Variants in KCNQ1 observed in about 807,000 individuals in gnomAD.
The protein encoded by KCNQ1 is potassium voltage-gated channel subfamily KQT member 1.
In KCNQ1, 49 loss-of-function variants were observed where a neutral mutation model predicts 72.4. That is an observed-to-expected ratio of 0.68 (90% CI 0.54 to 0.86). The LOEUF is 0.86. Ranked by LOEUF, KCNQ1 falls within the 40% of genes least tolerant of loss-of-function variation. The probability of loss-of-function intolerance (pLI) is 0.00; values close to 1 mark genes in which losing one functional copy is unlikely to be tolerated. For missense variants in KCNQ1, 790 were observed against 945.1 expected (o/e 0.84, Z 2.15); for synonymous variants, 450 against 412.6 (o/e 1.09, Z -1.10).
chr11:2,623,455 A>G lies in KCNQ1; in HGVS notation c.1393+34601A>G. Reference sequence around the variant, plus strand: ...TCTTCCCCAACAACCCTTGGCAACCACTGAACTTTTTACTGCCTCCATAGC... The same window carrying G: ...TCTTCCCCAACAACCCTTGGCAACCGCTGAACTTTTTACTGCCTCCATAGC... On this transcript the variant is annotated intron_variant, in intron 10 of 15. Coordinates refer to ENST00000155840, the MANE Select transcript of KCNQ1 (RefSeq NM_000218.3). The surrounding 1 kb of genome is among the most constrained non-coding windows in gnomAD (Gnocchi z 5.2). 2.5e-6 allele frequency: 1 copy of G among 398,548 alleles called. No homozygotes were observed. The highest frequency in any genetic ancestry group is 4.4e-6 in the Non-Finnish European group (1 of 226,046). The allele number at this position is 398,548 out of a possible 1,614,324, so 24.7% of individuals were successfully genotyped here.
intron 12 of KCNQ1, chr11:2,771,302 G>A (rs914578980): frequency 6.6e-6 from 1 of 152,340 alleles, no homozygotes; most frequent in African/African-American, 2.4e-5. Context: ...CAGCCAGGAA[G>A]GACACTGGCA....
chr11:2,652,603 C>T lies in KCNQ1; in HGVS notation c.1394-9358C>T, dbSNP rs1849773718. ...GGCTGCTCTTGCTGCCTGGAACCTTCCCCTGAAAATGTGTCTTGGGAGACC... is the reference window on the plus strand; with the variant it reads ...GGCTGCTCTTGCTGCCTGGAACCTTTCCCTGAAAATGTGTCTTGGGAGACC... On this transcript the variant is annotated intron_variant, in intron 10 of 15. Coordinates refer to ENST00000155840, the MANE Select transcript of KCNQ1 (RefSeq NM_000218.3). This position sits in a 1 kb window ranked among gnomAD's most constrained non-coding sequence, Gnocchi z 5.9. 2.5e-6 allele frequency: 1 copy of T among 398,598 alleles called. No homozygotes were observed. The highest frequency in any genetic ancestry group is 3.6e-5 in the East Asian group (1 of 28,058). The allele number at this position is 398,598 out of a possible 1,614,324, so 24.7% of individuals were successfully genotyped here. A position where few individuals can be genotyped will look rare whatever the true frequency, so the allele number is the denominator to read the frequency against.
At chr11:2,686,537 A>G in intron 11 of KCNQ1, 1 of 398,688 alleles carries the variant, frequency 2.5e-6, no homozygotes, top group Non-Finnish European at 4.4e-6. Flanking sequence ...GACAGCTCCC[A>G]GCCCTGGGCA....
Position 2,486,728 on chromosome 11 carries a change from T to C in KCNQ1, c.387-41200T>C, listed in dbSNP as rs1846745522. 6.6e-6 allele frequency among the ~76,000 whole-genome samples: 1 copy of C among 152,140 alleles called. No homozygotes were observed. Among genetic ancestry groups the C allele is most frequent in the African/African-American group, 2.4e-5 (1 of 41,422 alleles). ...GCAGAAGGTGAAGCGGGAGTAGGTGTCTCATATGATGAGACAGGGAGCAAG... is the reference window on the plus strand; with the variant it reads ...GCAGAAGGTGAAGCGGGAGTAGGTGCCTCATATGATGAGACAGGGAGCAAG... On this transcript the variant is annotated intron_variant, in intron 1 of 15. Coordinates refer to ENST00000155840, the MANE Select transcript of KCNQ1 (RefSeq NM_000218.3). This position sits in a 1 kb window ranked among gnomAD's most constrained non-coding sequence, Gnocchi z 5.0.
At chr11:2,760,932 G>A (rs913631762) in intron 11 of KCNQ1, among the ~76,000 whole-genome samples, 3 of 152,218 alleles carry the variant, frequency 2.0e-5, no homozygotes, top group African/African-American at 7.2e-5. Flanking sequence ...CCCCATGGGT[G>A]TGTGTTACAG....
At position 2,507,205 on chromosome 11, in the gene KCNQ1, G is replaced by A. The variant is rs188577288; in HGVS notation, c.387-20723G>A. On this transcript the variant is annotated intron_variant, in intron 1 of 15. Coordinates refer to ENST00000155840, the MANE Select transcript of KCNQ1 (RefSeq NM_000218.3). This position sits in a 1 kb window ranked among gnomAD's most constrained non-coding sequence, Gnocchi z 5.4. ...GTCTTCAGCATTTAGCTCCTTGTCC[G>A]TTTGGAGTTTGCTCTTGTGCATGAT... Among the ~76,000 whole-genome samples, 26 of 152,292 alleles carry A rather than the reference G, an allele frequency of 1.7e-4. No individual in the cohort carries two copies. In the East Asian group the frequency reaches 3.7e-3, roughly 21 times the overall value.
rs185990681 is a variant in KCNQ1 at position 2,711,929 on chromosome 11, T to C, written c.1514+49848T>C. ...GCAGGTGGCAGGTGGCTGGGGCTGCTCACCTGCTCACCTGTGTCCATCCCC... is the reference window on the plus strand; with the variant it reads ...GCAGGTGGCAGGTGGCTGGGGCTGCCCACCTGCTCACCTGTGTCCATCCCC... On this transcript the variant is annotated intron_variant, in intron 11 of 15. Transcript: ENST00000155840. This position sits in a 1 kb window ranked among gnomAD's most constrained non-coding sequence, Gnocchi z 5.4. Among the ~76,000 whole-genome samples the C allele has an allele frequency of 6.6e-6, 1 of 152,146 alleles. No individual in the cohort carries two copies. Among genetic ancestry groups the C allele is most frequent in the East Asian group, 1.9e-4 (1 of 5,158 alleles).
At chr11:2,798,002 G>A (rs953692194) in intron 15 of KCNQ1, among the ~76,000 whole-genome samples, 4 of 152,186 alleles carry the variant, frequency 2.6e-5, no homozygotes, top group African/African-American at 4.8e-5. Flanking sequence ...GCCAAGTTCA[G>A]CCCTCTCACC....
Position 2,658,069 on chromosome 11 carries a change from G to T in KCNQ1, c.1394-3892G>T. 2.5e-6 allele frequency: 1 copy of T among 398,536 alleles called. No individual in the cohort carries two copies. Among genetic ancestry groups the T allele is most frequent in the East Asian group, 3.6e-5 (1 of 28,072 alleles). The allele number at this position is 398,536 out of a possible 1,614,324, so 24.7% of individuals were successfully genotyped here. ...CTAAGTATAGCCCACACTCAAGGTG[G>T]GGAAGGGAGGGGTTCAACTCTACCT... On this transcript the variant is annotated intron_variant, in intron 10 of 15. Coordinates refer to ENST00000155840, the MANE Select transcript of KCNQ1 (RefSeq NM_000218.3). This position sits in a 1 kb window ranked among gnomAD's most constrained non-coding sequence, Gnocchi z 4.9.
intron 15 of KCNQ1, among the ~76,000 whole-genome samples, chr11:2,797,044 G>A (rs568603068): frequency 1.8e-4 from 27 of 152,314 alleles, no homozygotes; most frequent in African/African-American, 5.3e-4. Flanking sequence ...GCGGCAAACC[G>A]TCCCCACGGG....
In KCNQ1 at chr11:2,847,955, C is replaced by T. The variant is rs1409183780; in HGVS notation, c.1983C>T (p.Thr661=). ...ELFLPSNTLP[T]YEQLTVPRRG... is the part of the protein sequence containing the mutation. ...TCCTGCCCAGCAACACCCTGCCCACCTACGAGCAGCTGACCGTGCCCAGGA... is the reference window on the plus strand; with the variant it reads ...TCCTGCCCAGCAACACCCTGCCCACTTACGAGCAGCTGACCGTGCCCAGGA... The change falls in exon 16 of 16, where the codon ACC becomes ACT. Residue 661 remains threonine, a synonymous_variant. Coordinates refer to ENST00000155840, the MANE Select transcript of KCNQ1 (RefSeq NM_000218.3). 1.3e-6 allele frequency: 2 copies of T among 1,567,178 alleles called. No homozygotes were observed. Among genetic ancestry groups the T allele is most frequent in the Admixed American group, 1.8e-5 (1 of 54,260 alleles).
intron 10 of KCNQ1, among the ~76,000 whole-genome samples, chr11:2,594,199 G>A (rs1478061940): frequency 2.0e-5 from 3 of 152,114 alleles, no homozygotes; most frequent in Admixed American, 6.5e-5. Context: ...TGATGGTTTC[G>A]TTGGGAGAAA....
At chr11:2,638,979 G>A (rs368006687) in intron 10 of KCNQ1, 15 of 152,036 alleles carry the variant, frequency 9.9e-5, no homozygotes, top group South Asian at 4.2e-4. Flanking sequence ...TTCAATCACC[G>A]ATATCCTTTC....
chr11:2,688,595 C>T, intron 11 of KCNQ1: 1 of 398,742 alleles, frequency 2.5e-6, no homozygotes. Context: ...CTCACTGAGG[C>T]CAGGCACTCA....
rs568985790 is a variant in KCNQ1, at chr11:2,803,029, G to C, written c.1794+24992G>C. ...GGAGCTGGCCCTGGCCACTCTCTCA[G>C]AGCAGGAGGTGACATGAAGGGAAGG... is the stretch of plus-strand genomic sequence containing the variant. On this transcript the variant is annotated intron_variant, in intron 15 of 15. Coordinates refer to ENST00000155840, the MANE Select transcript of KCNQ1 (RefSeq NM_000218.3). This position sits in a 1 kb window ranked among gnomAD's most constrained non-coding sequence, Gnocchi z 6.4. Among the ~76,000 whole-genome samples, 111 of 152,346 alleles carry C rather than the reference G, an allele frequency of 7.3e-4. No homozygotes were observed. Among genetic ancestry groups the C allele is most frequent in the Non-Finnish European group, 1.3e-3 (86 of 68,030 alleles).
At position 2,536,309 on chromosome 11, in the gene KCNQ1, G is replaced by A. The variant is rs1265130900; in HGVS notation, c.477+8291G>A. 2.0e-5 allele frequency among the ~76,000 whole-genome samples: 3 copies of A among 152,188 alleles called. No homozygotes were observed. Among genetic ancestry groups the A allele is most frequent in the East Asian group, 1.9e-4 (1 of 5,188 alleles). ...GTACTTGGTGATAAACACACCATCC[G>A]CACTGCCTGCGGCTCTTACAGGAGT... On this transcript the variant is annotated intron_variant, in intron 2 of 15. Coordinates refer to ENST00000155840, the MANE Select transcript of KCNQ1 (RefSeq NM_000218.3). The surrounding 1 kb of genome is among the most constrained non-coding windows in gnomAD (Gnocchi z 7.4).
intron 11 of KCNQ1, among the ~76,000 whole-genome samples, chr11:2,760,353 G>A (rs974179209): frequency 2.0e-5 from 3 of 152,188 alleles, no homozygotes; most frequent in Non-Finnish European, 4.4e-5. Flanking sequence ...GGATGGGGGT[G>A]GGGAGCTCAT....
chr11:2,779,764 C>T (rs1846787325), intron 15 of KCNQ1, among the ~76,000 whole-genome samples: 1 of 152,224 alleles, frequency 6.6e-6, no homozygotes, highest in Admixed American at 6.5e-5. Context: ...CAGCAGCCGT[C>T]CAGCAGCCTG....
chr11:2,844,155 A>G (rs1848270734), intron 15 of KCNQ1, among the ~76,000 whole-genome samples: 1 of 152,152 alleles, frequency 6.6e-6, no homozygotes, highest in Non-Finnish European at 1.5e-5. Flanking sequence ...CTGCCCGCAG[A>G]GTGGTGGGGT....
Sources: gnomAD v4.1 joint callset for allele counts (sites outside exome capture counted in the v4.1 genomes callset) on GRCh38, gnomAD v4.1.1 for gene constraint, Gnocchi (gnomAD v3.1) non-coding constraint, MANE v1.5 for transcripts, NCBI Gene and HGNC (gene_info 2026-07-23, HGNC 2026-07-21) for gene names.